Variants in ABL2 observed in about 807,000 individuals in gnomAD.
ABL2 encodes tyrosine-protein kinase ABL2.
ABL2 carries 49 observed loss-of-function variants against 107.7 expected under a neutral mutation model. The ratio of observed to expected loss-of-function variants is 0.45; its 90% CI spans 0.36 to 0.58. ABL2 has a LOEUF of 0.58. ABL2 is among the 20% of genes least tolerant of loss of function. The pLI is 0.00. For missense variants in ABL2, 1,245 were observed against 1,457.0 expected (o/e 0.85, Z 2.37); for synonymous variants, 549 against 548.6 (o/e 1.00, Z -0.01).
Position 179,120,286 on chromosome 1 carries a change from GA to G in ABL2, c.961-13del. 6.4e-7 allele frequency: 1 copy of G among 1,566,242 alleles called. No individual in the cohort carries two copies. On this transcript the variant is annotated splice_polypyrimidine_tract_variant and intron_variant, in intron 5 of 11. Coordinates refer to ENST00000502732, the MANE Select transcript of ABL2 (RefSeq NM_007314.4). ...TCCATGGTATCTTCCTAGAAAAAGG[GA>G]AAGGTAAGAAAGAAGAAAACGAGAG...
chr1:179,115,685 G>C (rs985199220), intron 8 of ABL2, among the ~76,000 whole-genome samples: 1 of 151,974 alleles, frequency 6.6e-6, no homozygotes, highest in Admixed American at 6.6e-5. Context: ...CCAAGGGGGG[G>C]GTCTTAGAAT....
In ABL2 at chr1:179,121,639, C is replaced by G; in HGVS notation, c.916G>C (p.Val306Leu). The change falls in exon 5 of 12, where the codon GTC becomes CTC. Residue 306 changes from valine (V) to leucine (L), a missense_variant. Val to Leu is a conservative substitution (Grantham distance 32). Coordinates refer to ENST00000502732, the MANE Select transcript of ABL2 (RefSeq NM_007314.4). ...ACTGTAAGGCTGTATTTCTTCCAGA[C>G]GCCAACGTAAACCTCTCCATACTGA... is the stretch of plus-strand genomic sequence containing the variant. ...GGQYGEVYVG[V>L]WKKYSLTVAV... The G allele has an allele frequency of 6.2e-7, 1 of 1,614,224 alleles. No homozygotes were observed. Among genetic ancestry groups the G allele is most frequent in the Non-Finnish European group, 8.5e-7 (1 of 1,180,042 alleles).
chr1:179,224,952 G>A (rs1274344171), intron 1 of ABL2, among the ~76,000 whole-genome samples: 1 of 152,064 alleles, frequency 6.6e-6, no homozygotes, highest in Non-Finnish European at 1.5e-5. Flanking sequence ...CTTGAGTCCA[G>A]GAGTTTAAGG....
At chr1:179,144,843 C>T (rs1293984979) in intron 1 of ABL2, among the ~76,000 whole-genome samples, 1 of 152,114 alleles carries the variant, frequency 6.6e-6, no homozygotes, top group Admixed American at 6.5e-5. Context: ...ATATCTCATT[C>T]TCCGGATTAT....
intron 1 of ABL2, among the ~76,000 whole-genome samples, chr1:179,204,636 A>C (rs146808433): frequency 0.015 from 2,222 of 152,068 alleles, 48 homozygotes; most frequent in African/African-American, 0.049. Flanking sequence ...AATCCCAGCT[A>C]CTCGGGAGGC....
At chr1:179,133,754 T>C (rs1656581110) in intron 1 of ABL2, among the ~76,000 whole-genome samples, 1 of 152,240 alleles carries the variant, frequency 6.6e-6, no homozygotes, top group Non-Finnish European at 1.5e-5. Context: ...AAATCCACTA[T>C]ATACTACGTT....
intron 1 of ABL2, among the ~76,000 whole-genome samples, chr1:179,178,219 G>A (rs905542837): frequency 1.3e-5 from 2 of 151,850 alleles, no homozygotes; most frequent in Admixed American, 1.3e-4. Flanking sequence ...TCAACATGGT[G>A]AAACCCTGTC....
At chr1:179,115,148 A>C in intron 8 of ABL2, 118 bp from the exon 9 acceptor site, 1 of 856,382 alleles carries the variant, frequency 1.2e-6, no homozygotes, top group South Asian at 2.7e-5. Context: ...AACAACATTA[A>C]TATATAATAT....
In ABL2 at chr1:179,107,829, G is replaced by A. The variant is rs1003114480; in HGVS notation, c.3438C>T (p.Ser1146=). The A allele has an allele frequency of 6.2e-7, 1 of 1,614,180 alleles. No homozygotes were observed. The highest frequency in any genetic ancestry group is 8.5e-7 in the Non-Finnish European group (1 of 1,180,032). Residue 1146 remains serine (S), a synonymous_variant, in exon 12 of 12, where the codon AGC becomes AGT. Transcript: ENST00000502732. ...CTGAAGAAACCTGTAGCTCCTGCAG[G>A]CTGAGTTCCAGTTTGCTCACAGCCT... The part of the protein sequence containing the change: ...FREAVSKLEL[S]LQELQVSSAA...
intron 1 of ABL2, among the ~76,000 whole-genome samples, chr1:179,140,268 A>G (rs949357224): frequency 1.3e-5 from 2 of 152,180 alleles, no homozygotes; most frequent in African/African-American, 4.8e-5. Context: ...CTTCTGCCTC[A>G]GGACCTTTGC....
intron 8 of ABL2, 31 bp from the exon 9 acceptor site, chr1:179,115,061 G>A: frequency 6.5e-7 from 1 of 1,547,238 alleles, no homozygotes; most frequent in Non-Finnish European, 8.7e-7. Flanking sequence ...AGCACTTAGT[G>A]TTTCTTCTCC....
intron 1 of ABL2, among the ~76,000 whole-genome samples, chr1:179,139,277 C>T (rs1001803503): frequency 1.8e-4 from 27 of 152,100 alleles, no homozygotes; most frequent in Non-Finnish European, 3.8e-4. Context: ...ACGAGCCCAC[C>T]GGGAGGAACG....
At chr1:179,217,992 A>AT (rs1043629177) in intron 1 of ABL2, among the ~76,000 whole-genome samples, 70 of 152,290 alleles carry the variant, frequency 4.6e-4, no homozygotes, top group African/African-American at 1.3e-3. Context: ...GGTCTCTAAT[A>AT]TTTTTTAATT....
intron 1 of ABL2, among the ~76,000 whole-genome samples, chr1:179,227,898 A>G (rs975320992): frequency 2.6e-5 from 4 of 151,924 alleles, no homozygotes; most frequent in African/African-American, 9.7e-5. Flanking sequence ...AAAAACACAA[A>G]AAATTAGCCG....
At chr1:179,194,996 G>T (rs900638487) in intron 1 of ABL2, among the ~76,000 whole-genome samples, 2 of 151,926 alleles carry the variant, frequency 1.3e-5, no homozygotes, top group African/African-American at 4.8e-5. Context: ...ATATCAAAAC[G>T]ACAATGAGAG....
At chr1:179,220,912 C>A in intron 1 of ABL2, 1 of 175,448 alleles carries the variant, frequency 5.7e-6, no homozygotes, top group African/African-American at 2.4e-5. Context: ...GCTGCCACTC[C>A]TGACTCTCCT....
rs569949277 is a variant in ABL2 at position 179,217,895 on chromosome 1, A to G, written c.157+11346T>C. 1.0e-3 allele frequency among the ~76,000 whole-genome samples: 154 copies of G among 152,358 alleles called. 1 individual carries two copies. Among genetic ancestry groups the G allele is most frequent in the African/African-American group, 3.5e-3 (146 of 41,592 alleles). Reference sequence around the variant, plus strand: ...ATTATATATATACATACATATGTATAACTACATACACACATATTCTAAAAG... The same window carrying G: ...ATTATATATATACATACATATGTATGACTACATACACACATATTCTAAAAG... On this transcript the variant is annotated intron_variant, in intron 1 of 11. Coordinates refer to ENST00000502732, the MANE Select transcript of ABL2 (RefSeq NM_007314.4).
intron 1 of ABL2, among the ~76,000 whole-genome samples, chr1:179,193,302 C>T (rs2816202): frequency 0.34 from 52,291 of 151,676 alleles, 9,408 homozygotes; most frequent in East Asian, 0.48. Context: ...ATGTACTAGG[C>T]TCTTTCTAAA....
At chr1:179,222,494 G>T (rs150924881) in intron 1 of ABL2, among the ~76,000 whole-genome samples, 26 of 152,030 alleles carry the variant, frequency 1.7e-4, no homozygotes, top group Non-Finnish European at 2.8e-4. Flanking sequence ...AGGATCAAGC[G>T]ATTCTCCTGC....
Sources: allele counts gnomAD v4.1 joint callset (sites outside exome capture counted in the v4.1 genomes callset), GRCh38; gene constraint gnomAD v4.1.1; transcripts MANE v1.5; gene names NCBI Gene and HGNC (gene_info 2026-07-23, HGNC 2026-07-21).